LUM: variants seen among roughly 807,000 people sequenced by gnomAD.
LUM encodes the protein lumican.
In LUM, 13 loss-of-function variants were observed where a neutral mutation model predicts 20.5. The observed-to-expected ratio is 0.63, with a 90% confidence interval of 0.41 to 1.01. The LOEUF (loss-of-function observed/expected upper bound fraction) is 1.01. Ranked by LOEUF, LUM falls within the 50% of genes least tolerant of loss-of-function variation. The pLI is 0.00. For synonymous variants in LUM, 173 were observed against 151.5 expected, an observed-to-expected ratio of 1.14 and a Z score of -1.04; for missense variants, 321 against 391.1, an observed-to-expected ratio of 0.82 and a Z score of 1.51.
chr12:91,108,293 A>T lies in LUM; in HGVS notation c.687T>A (p.Asn229Lys). ...NIPDEYFKRFNALQYLRLSHN... is the reference protein window; with the variant it reads ...NIPDEYFKRFKALQYLRLSHN... ...GAGATAAACGCAGATACTGCAATGC[A>T]TTAAAACGCTTGAAATACTCATCAG... is the stretch of plus-strand genomic sequence containing the variant. The change falls in exon 2 of 3, where the codon AAT (asparagine) becomes AAA (lysine). Residue 229 changes from asparagine to lysine, a missense_variant. Physicochemically the swap from Asn to Lys is moderately conservative, Grantham distance 94. Transcript: ENST00000266718. The surrounding 1 kb of genome is among the most constrained non-coding windows in gnomAD (Gnocchi z 4.2). The T allele has an allele frequency of 6.2e-7, 1 of 1,614,222 alleles. No individual in the cohort carries two copies. Among genetic ancestry groups the T allele is most frequent in the South Asian group, 1.1e-5 (1 of 91,088 alleles).
At chr12:91,107,309 GA>G (rs1491169540) in intron 2 of LUM, among the ~76,000 whole-genome samples, 1 of 113,930 alleles carries the variant, frequency 8.8e-6, no homozygotes, top group African/African-American at 3.4e-5. Context: ...AAGAAAGAAA[GA>G]AAGAAAGAAA....
intron 2 of LUM, among the ~76,000 whole-genome samples, 177 bp downstream of exon 2, chr12:91,107,941 C>A (rs1880118175): frequency 6.6e-6 from 1 of 152,066 alleles, no homozygotes; most frequent in Non-Finnish European, 1.5e-5. Flanking sequence ...GTCTCAACTC[C>A]TGACCTGGTG....
chr12:91,107,360 G>A (rs11105994), intron 2 of LUM, among the ~76,000 whole-genome samples: 3 of 138,380 alleles, frequency 2.2e-5, no homozygotes, highest in East Asian at 2.5e-4. Context: ...AGAAAGGAAG[G>A]AAGAAAGAAA....
At position 91,104,088 on chromosome 12, in the gene LUM, A is replaced by C; in HGVS notation, c.*77T>G. On this transcript the variant is annotated 3_prime_UTR_variant, in exon 3 of 3. Transcript: ENST00000266718. The stretch of plus-strand genomic sequence containing the variant: ...TTTAAAATTCATGGAAGTAATAAAC[A>C]GTAATAAAATATGGATACTATGAAA... 8.7e-7 allele frequency: 1 copy of C among 1,147,906 alleles called. No homozygotes were observed. The highest frequency in any genetic ancestry group is 1.3e-6 in the Non-Finnish European group (1 of 776,028). 71.1% of individuals were successfully genotyped at this position (1,147,906 alleles called of 1,614,324 possible).
intron 2 of LUM, among the ~76,000 whole-genome samples, chr12:91,107,215 G>GAA (rs1880063950): frequency 7.3e-6 from 1 of 137,128 alleles, no homozygotes; most frequent in Non-Finnish European, 1.6e-5. Flanking sequence ...AAGAAAGAAA[G>GAA]AGAGAAAGAA....
intron 1 of LUM, among the ~76,000 whole-genome samples, chr12:91,110,001 G>A (rs1880167261): frequency 6.6e-6 from 1 of 152,114 alleles, no homozygotes; most frequent in Non-Finnish European, 1.5e-5. Flanking sequence ...ATATGAATTT[G>A]AAATAATGTG....
chr12:91,108,523 C>A lies in LUM; in HGVS notation c.457G>T (p.Gly153Cys), dbSNP rs1880130438. ...QLTHNKITKLGSFEGLVNLTF... is the reference protein window; with the variant it reads ...QLTHNKITKLCSFEGLVNLTF... ...AGGTTTACCAATCCTTCAAAAGAGC[C>A]CAGCTTTGTGATCTTGTTATGAGTA... The change falls in exon 2 of 3, where the codon GGC (glycine) becomes TGC (cysteine). Residue 153 changes from glycine (G) to cysteine (C), a missense_variant. Physicochemically the swap from Gly to Cys is radical, Grantham distance 159 (BLOSUM62 -3). Coordinates refer to ENST00000266718, the MANE Select transcript of LUM (RefSeq NM_002345.4). This position sits in a 1 kb window ranked among gnomAD's most constrained non-coding sequence, Gnocchi z 4.2. 1 of 1,612,412 alleles carries A rather than the reference C, an allele frequency of 6.2e-7. No homozygotes were observed. The highest frequency in any genetic ancestry group is 8.5e-7 in the Non-Finnish European group (1 of 1,178,830).
rs1880140014 is a variant in LUM, at chr12:91,108,958, G to C, written c.22C>G (p.Leu8Val). The change falls in exon 2 of 3, where the codon CTC becomes GTC. Residue 8 changes from leucine to valine, a missense_variant. By Grantham distance (32) the Leu-to-Val change is conservative (BLOSUM62 1). Coordinates refer to ENST00000266718, the MANE Select transcript of LUM (RefSeq NM_002345.4). The surrounding 1 kb of genome is among the most constrained non-coding windows in gnomAD (Gnocchi z 4.2). ...GTACCACCAATCAATGCCAGGAAGA[G>C]AGTAAATGCACTTAGACTCATTTTT... Reference protein sequence around the residue: MSLSAFTLFLALIGGTSG... With the variant: MSLSAFTVFLALIGGTSG... The C allele has an allele frequency of 1.2e-6, 2 of 1,613,526 alleles. No homozygotes were observed. The highest frequency in any genetic ancestry group is 1.7e-6 in the Non-Finnish European group (2 of 1,179,652).
intron 1 of LUM, among the ~76,000 whole-genome samples, chr12:91,109,655 T>A (rs1035271370): frequency 6.6e-6 from 1 of 152,216 alleles, no homozygotes; most frequent in Non-Finnish European, 1.5e-5. Context: ...AACTAATATT[T>A]CATAAATTAG....
At chr12:91,107,983 A>G (rs3782580) in intron 2 of LUM, 135 bp downstream of exon 2, 35,914 of 1,020,326 alleles carry the variant, frequency 0.035, 1,811 homozygotes, top group East Asian at 0.23. Flanking sequence ...AAAATGCTGG[A>G]TTTACAGGAA....
chr12:91,108,296 A>G lies in LUM; in HGVS notation c.684T>C (p.Phe228=). Residue 228 remains phenylalanine, a synonymous_variant, in exon 2 of 3, where the codon TTT becomes TTC. Transcript: ENST00000266718. This position sits in a 1 kb window ranked among gnomAD's most constrained non-coding sequence, Gnocchi z 4.2. ...SNIPDEYFKR[F]NALQYLRLSH... ...ATAAACGCAGATACTGCAATGCATT[A>G]AAACGCTTGAAATACTCATCAGGGA... is the stretch of plus-strand genomic sequence containing the variant. The G allele has an allele frequency of 6.2e-7, 1 of 1,614,190 alleles. No homozygotes were observed. The highest frequency in any genetic ancestry group is 8.5e-7 in the Non-Finnish European group (1 of 1,180,014).
In LUM at chr12:91,108,834, C is replaced by T; in HGVS notation, c.146G>A (p.Ser49Asn). 2 of 1,614,048 alleles carry T rather than the reference C, an allele frequency of 1.2e-6. No homozygotes were observed. The highest frequency in any genetic ancestry group is 8.5e-7 in the Non-Finnish European group (1 of 1,180,004). ...PECNCPESYP[S>N]AMYCDELKLK... Reference sequence around the variant, plus strand: ...TTTCAGCTCATCACAGTACATGGCACTTGGGTAGCTTTCAGGGCAGTTACA... The same window carrying T: ...TTTCAGCTCATCACAGTACATGGCATTTGGGTAGCTTTCAGGGCAGTTACA... The change falls in exon 2 of 3, where the codon AGT (serine) becomes AAT (asparagine). Residue 49 changes from serine (S) to asparagine (N), a missense_variant. Transcript: ENST00000266718. The surrounding 1 kb of genome is among the most constrained non-coding windows in gnomAD (Gnocchi z 4.2).
At chr12:91,106,033 A>G (rs1427632575) in intron 2 of LUM, among the ~76,000 whole-genome samples, 1 of 152,220 alleles carries the variant, frequency 6.6e-6, no homozygotes, top group Non-Finnish European at 1.5e-5. Context: ...ACTGGAAACA[A>G]CAAGAGGGGT....
chr12:91,108,395 C>A lies in LUM; in HGVS notation c.585G>T (p.Gln195His). 1 of 1,614,168 alleles carries A rather than the reference C, an allele frequency of 6.2e-7. No individual in the cohort carries two copies. The highest frequency in any genetic ancestry group is 8.5e-7 in the Non-Finnish European group (1 of 1,180,022). Residue 195 changes from glutamine to histidine, a missense_variant, in exon 2 of 3, where the codon CAG becomes CAT. Coordinates refer to ENST00000266718, the MANE Select transcript of LUM (RefSeq NM_002345.4). The surrounding 1 kb of genome is among the most constrained non-coding windows in gnomAD (Gnocchi z 4.2). ...GGAGACCAGAAGGCAGTCTGGCTAT[C>A]TGATTGAAGCTCAAGTCAAGGTATT... ...SLEYLDLSFNQIARLPSGLPV... is the reference protein window; with the variant it reads ...SLEYLDLSFNHIARLPSGLPV...
rs776986873 is a variant in LUM, at chr12:91,108,964, A to G, written c.16T>C (p.Phe6Leu). ...CCAATCAATGCCAGGAAGAGAGTAA[A>G]TGCACTTAGACTCATTTTTGGCAAA... is the stretch of plus-strand genomic sequence containing the variant. MSLSA[F>L]TLFLALIGGT... The change falls in exon 2 of 3, where the codon TTT (phenylalanine) becomes CTT (leucine). Residue 6 changes from phenylalanine to leucine, a missense_variant. Phe to Leu is a conservative substitution (Grantham distance 22). Coordinates refer to ENST00000266718, the MANE Select transcript of LUM (RefSeq NM_002345.4). This position sits in a 1 kb window ranked among gnomAD's most constrained non-coding sequence, Gnocchi z 4.2. 2 of 1,613,384 alleles carry G rather than the reference A, an allele frequency of 1.2e-6. No individual in the cohort carries two copies. The highest frequency in any genetic ancestry group is 2.7e-5 in the African/African-American group (2 of 74,918).
intron 2 of LUM, among the ~76,000 whole-genome samples, chr12:91,104,735 G>C (rs1343271721): frequency 1.3e-5 from 2 of 152,052 alleles, no homozygotes; most frequent in African/African-American, 2.4e-5. Flanking sequence ...AAATAAGAAG[G>C]GTTAACTAGA....
chr12:91,104,777 AC>A (rs1189519824), intron 2 of LUM, among the ~76,000 whole-genome samples: 1 of 152,204 alleles, frequency 6.6e-6, no homozygotes, highest in Non-Finnish European at 1.5e-5. Context: ...GCAACCACAT[AC>A]CATGACCATG....
Position 91,103,909 on chromosome 12 carries a change from T to C in LUM, c.*256A>G, listed in dbSNP as rs143136933. On this transcript the variant is annotated 3_prime_UTR_variant, in exon 3 of 3. Transcript: ENST00000266718. ...AACCAGTAAAAGGTTTTGCACATCA[T>C]TTGACAGTAGAAATAAAAAAACACT... 142 of 314,620 alleles carry C rather than the reference T, an allele frequency of 4.5e-4. No homozygotes were observed. The highest frequency in any genetic ancestry group is 3.0e-3 in the African/African-American group (138 of 45,730). 19.5% of individuals were successfully genotyped at this position (314,620 alleles called of 1,614,324 possible).
intron 2 of LUM, among the ~76,000 whole-genome samples, chr12:91,106,093 A>G (rs1364985061): frequency 6.6e-6 from 1 of 152,144 alleles, no homozygotes; most frequent in Non-Finnish European, 1.5e-5. Context: ...AACAGCACCA[A>G]CCCTTACCTT....
Sources: gnomAD v4.1 joint callset for allele counts (sites outside exome capture counted in the v4.1 genomes callset) on GRCh38, gnomAD v4.1.1 for gene constraint, Gnocchi (gnomAD v3.1) non-coding constraint, MANE v1.5 for transcripts, NCBI Gene and HGNC (gene_info 2026-07-23, HGNC 2026-07-21) for gene names.